SVOPL: variants seen among roughly 807,000 people sequenced by gnomAD.
SVOPL encodes the protein putative transporter SVOPL.
A neutral mutation model predicts 61.0 loss-of-function variants in SVOPL; 60 were observed. That is an observed-to-expected ratio of 0.98 (90% confidence interval 0.80 to 1.22). The LOEUF is 1.22. Ranked by LOEUF, SVOPL falls within the 50% of genes most tolerant of loss-of-function variation. The pLI is 0.00. For missense variants in SVOPL, 662 were observed against 643.9 expected (o/e 1.03, Z -0.30); for synonymous variants, 279 against 250.0 (o/e 1.12, Z -1.09).
chr7:138,674,162 T>C (rs1802497765), intron 3 of SVOPL, among the ~76,000 whole-genome samples: 1 of 151,378 alleles, frequency 6.6e-6, no homozygotes, highest in Non-Finnish European at 1.5e-5. Context: ...CACTCCAGCC[T>C]GAGCAACAGA....
intron 7 of SVOPL, among the ~76,000 whole-genome samples, chr7:138,649,934 C>T (rs1801335875): frequency 6.6e-6 from 1 of 151,908 alleles, no homozygotes. Context: ...CGGGTTCAAG[C>T]AATTCTCCTG....
chr7:138,632,902 ATC>A (rs963409711), intron 9 of SVOPL, among the ~76,000 whole-genome samples: 26 of 152,322 alleles, frequency 1.7e-4, no homozygotes, highest in African/African-American at 4.1e-4. Flanking sequence ...TGAGTTAATT[ATC>A]TCTGTTAAGA....
intron 9 of SVOPL, among the ~76,000 whole-genome samples, chr7:138,643,463 C>T (rs1012997227): frequency 2.0e-5 from 3 of 150,442 alleles, no homozygotes; most frequent in African/African-American, 7.4e-5. Flanking sequence ...CCTTGAAGAG[C>T]TACCTGGTCA....
intron 7 of SVOPL, 22 bp downstream of exon 7, chr7:138,656,426 T>C (rs1165556800): frequency 6.2e-7 from 1 of 1,613,110 alleles, no homozygotes. Flanking sequence ...CAAAGGCAGG[T>C]AGAACTCCTA....
At chr7:138,647,158 G>A (rs1486455841) in intron 8 of SVOPL, among the ~76,000 whole-genome samples, 3 of 151,786 alleles carry the variant, frequency 2.0e-5, no homozygotes, top group African/African-American at 7.3e-5. Flanking sequence ...GGCAGATCAC[G>A]AGGTCAGGAG....
intron 8 of SVOPL, among the ~76,000 whole-genome samples, chr7:138,646,964 T>A (rs1273662774): frequency 6.6e-6 from 1 of 152,196 alleles, no homozygotes; most frequent in Non-Finnish European, 1.5e-5. Context: ...ACTGGCCAAC[T>A]GGGCTTGTCC....
At position 138,615,560 on chromosome 7, in the gene SVOPL, C is replaced by CAAAAAAAAAAAAAAAAAAAAAAA. The variant is rs770404185; in HGVS notation, c.1353+5463_1353+5485dup. Among the ~76,000 whole-genome samples the CAAAAAAAAAAAAAAAAAAAAAAA allele has an allele frequency of 1.3e-3, 7 of 5,526 alleles. 2 individuals carry two copies. The highest frequency in any genetic ancestry group is 1.7e-3 in the African/African-American group (5 of 2,998). 3.6% of individuals were successfully genotyped at this position (5,526 alleles called of 152,430 possible). A position where few individuals can be genotyped will look rare whatever the true frequency, so the allele number is the denominator to read the frequency against. On this transcript the variant is annotated intron_variant, in intron 14 of 15. Coordinates refer to ENST00000674285, the MANE Select transcript of SVOPL (RefSeq NM_001139456.2). ...GGGTGACAGAGCGAGACTCCGTCTC[C>CAAAAAAAAAAAAAAAAAAAAAAA]AAAAAAAAAAAAAAAAAAAAAAAAA...
chr7:138,598,037 T>C (rs1798353631), intron 14 of SVOPL, among the ~76,000 whole-genome samples: 1 of 152,224 alleles, frequency 6.6e-6, no homozygotes, highest in Non-Finnish European at 1.5e-5. Flanking sequence ...ACTGGGTATT[T>C]TTCCAATAAA....
At chr7:138,662,890 A>T in intron 5 of SVOPL, 184 bp downstream of exon 5, 1 of 1,435,466 alleles carries the variant, frequency 7.0e-7, no homozygotes, top group South Asian at 1.5e-5. Context: ...AGCTGCAGGC[A>T]CAGGTACCCT....
intron 13 of SVOPL, among the ~76,000 whole-genome samples, chr7:138,622,688 C>G (rs1288371235): frequency 6.6e-6 from 1 of 152,062 alleles, no homozygotes; most frequent in African/African-American, 2.4e-5. Context: ...TATCAAACTC[C>G]TGGGCTCAGG....
chr7:138,624,180 C>T (rs1261973487), intron 13 of SVOPL, among the ~76,000 whole-genome samples: 1 of 152,164 alleles, frequency 6.6e-6, no homozygotes, highest in Non-Finnish European at 1.5e-5. Flanking sequence ...TCAAGTTCAC[C>T]TTAGTTCCCC....
chr7:138,665,838 T>C (rs1802239979), intron 4 of SVOPL, among the ~76,000 whole-genome samples: 1 of 151,768 alleles, frequency 6.6e-6, no homozygotes, highest in South Asian at 2.1e-4. Context: ...CAAAATGGAG[T>C]CACTTAGGCC....
rs184835847 is a variant in SVOPL at position 138,596,833 on chromosome 7, C to T, written c.1354-303G>A. On this transcript the variant is annotated intron_variant, in intron 14 of 15. Coordinates refer to ENST00000674285, the MANE Select transcript of SVOPL (RefSeq NM_001139456.2). ...ATATGGAAAAGATGGGGGATCTGCCCGTTTCCCCACCCCCTTTCTCATACC... is the reference window on the plus strand; with the variant it reads ...ATATGGAAAAGATGGGGGATCTGCCTGTTTCCCCACCCCCTTTCTCATACC... 86 of 1,106,904 alleles carry T rather than the reference C, an allele frequency of 7.8e-5. No individual in the cohort carries two copies. The Middle Eastern group carries it at 1.6e-3, about 21-fold the overall frequency. 68.6% of individuals were successfully genotyped at this position (1,106,904 alleles called of 1,614,324 possible).
chr7:138,614,842 C>T (rs991916378), intron 14 of SVOPL, among the ~76,000 whole-genome samples: 1 of 152,192 alleles, frequency 6.6e-6, no homozygotes, highest in Non-Finnish European at 1.5e-5. Context: ...GGCTTTTCCA[C>T]TGACATCTCT....
In SVOPL at chr7:138,644,858, T is replaced by G. The variant is rs768414985; in HGVS notation, c.661-13A>C. The G allele has an allele frequency of 6.2e-7, 1 of 1,614,048 alleles. No homozygotes were observed. Among genetic ancestry groups the G allele is most frequent in the Middle Eastern group, 1.6e-4 (1 of 6,062 alleles). On this transcript the variant is annotated splice_polypyrimidine_tract_variant and intron_variant, in intron 8 of 15. Transcript: ENST00000674285. ...ATTCAGGAATAAACTGGGTAGAGAT[T>G]ACAAAGAACATCAGAGTGGCCACTG...
chr7:138,677,064 C>G (rs1360585044), intron 3 of SVOPL, among the ~76,000 whole-genome samples: 1 of 152,006 alleles, frequency 6.6e-6, no homozygotes, highest in Non-Finnish European at 1.5e-5. Flanking sequence ...CCACCATGCC[C>G]GTCTCATTTT....
At chr7:138,672,889 GA>G (rs1211743171) in intron 3 of SVOPL, among the ~76,000 whole-genome samples, 1 of 135,960 alleles carries the variant, frequency 7.4e-6, no homozygotes. Flanking sequence ...CCGTTATAGG[GA>G]TAAGTTTGTC....
At chr7:138,609,861 T>C (rs1216371349) in intron 14 of SVOPL, among the ~76,000 whole-genome samples, 1 of 151,724 alleles carries the variant, frequency 6.6e-6, no homozygotes, top group Non-Finnish European at 1.5e-5. Flanking sequence ...GCCTCCAGAG[T>C]AGCTGGGATT....
chr7:138,695,005 C>G (rs1383641853), intron 1 of SVOPL, among the ~76,000 whole-genome samples: 1 of 152,144 alleles, frequency 6.6e-6, no homozygotes, highest in African/African-American at 2.4e-5. Flanking sequence ...TCCTAAAGTG[C>G]TGGGATTACA....
Sources: gnomAD v4.1 joint callset for allele counts (sites outside exome capture counted in the v4.1 genomes callset) on GRCh38, gnomAD v4.1.1 for gene constraint, MANE v1.5 for transcripts, NCBI Gene and HGNC (gene_info 2026-07-23, HGNC 2026-07-21) for gene names.